The following ACSM1 variants were observed in gnomAD, a reference collection of about 807,000 sequenced individuals.
The protein encoded by ACSM1 is acyl-coenzyme A synthetase ACSM1, mitochondrial.
A neutral mutation model predicts 75.8 loss-of-function variants in ACSM1; 79 were observed. That is an observed-to-expected ratio of 1.04 (90% CI 0.87 to 1.26). The LOEUF is 1.26. Among genes scored for constraint, ACSM1 ranks in the 50% most tolerant of loss-of-function variants. ACSM1 has a pLI of 0.00. For missense variants in ACSM1, 676 were observed against 720.1 expected (o/e 0.94, Z 0.70); for synonymous variants, 279 against 265.8 (o/e 1.05, Z -0.48).
chr16:20,690,985 C>A lies in ACSM1; in HGVS notation c.192+12G>T. The A allele has an allele frequency of 6.2e-7, 1 of 1,604,884 alleles. No homozygotes were observed. Among genetic ancestry groups the A allele is most frequent in the Non-Finnish European group, 8.5e-7 (1 of 1,176,742 alleles). ...CCTTGTTCTTATATCGCCATCACGG[C>A]AGATCTCTTACCTTCTCCTTTTGAG... is the stretch of plus-strand genomic sequence containing the variant. On this transcript the variant is annotated intron_variant, in intron 2 of 13. Transcript: ENST00000520010.
rs1288964092 is a variant in ACSM1 at position 20,671,620 on chromosome 16, C to G, written c.663G>C (p.Met221Ile). 1.2e-6 allele frequency: 2 copies of G among 1,613,446 alleles called. No individual in the cohort carries two copies. Among genetic ancestry groups the G allele is most frequent in the Non-Finnish European group, 1.7e-6 (2 of 1,179,674 alleles). Residue 221 changes from methionine to isoleucine, a missense_variant, in exon 5 of 14, where the codon ATG becomes ATC. Physicochemically the swap from Met to Ile is conservative, Grantham distance 10. Coordinates refer to ENST00000520010, the MANE Select transcript of ACSM1 (RefSeq NM_001318890.3). ...TCVKSKTLDPMVIFFTSGTTG... is the reference protein window; with the variant it reads ...TCVKSKTLDPIVIFFTSGTTG... Reference sequence around the variant, plus strand: ...TGGTCCCACTGGTGAAGAAGATGACCATTGGGTCCAAGGTCTTTGACTTAA... The same window carrying G: ...TGGTCCCACTGGTGAAGAAGATGACGATTGGGTCCAAGGTCTTTGACTTAA...
At chr16:20,662,848 C>G (rs2019367200) in intron 6 of ACSM1, among the ~76,000 whole-genome samples, 1 of 152,156 alleles carries the variant, frequency 6.6e-6, no homozygotes. Flanking sequence ...CCTACCCCAA[C>G]AGGTGTCTTT....
rs183631923 is a variant in ACSM1, at chr16:20,678,143, A to G, written c.611+4113T>C. Among the ~76,000 whole-genome samples, 859 of 152,258 alleles carry G rather than the reference A, an allele frequency of 5.6e-3. 6 individuals are homozygous for G. The highest frequency in any genetic ancestry group is 0.019 in the African/African-American group (798 of 41,542). On this transcript the variant is annotated intron_variant, in intron 4 of 13. Transcript: ENST00000520010. ...TCCCCTTCTGTAGATCCCAAGCTAC[A>G]CTCCAAATGAAAGGGCTTGTTTTGC...
intron 13 of ACSM1, 86 bp downstream of exon 13, chr16:20,624,010 C>A: frequency 1.3e-6 from 2 of 1,562,676 alleles, no homozygotes; most frequent in Non-Finnish European, 1.7e-6. Context: ...TTGTTTGGGG[C>A]TGTTTGTTAC....
intron 6 of ACSM1, among the ~76,000 whole-genome samples, chr16:20,666,084 C>T (rs2019550885): frequency 6.6e-6 from 1 of 152,124 alleles, no homozygotes; most frequent in Non-Finnish European, 1.5e-5. Context: ...GTGTAGGATG[C>T]CCACTCTCAC....
chr16:20,665,011 G>T (rs2019494096), intron 6 of ACSM1, among the ~76,000 whole-genome samples: 1 of 152,090 alleles, frequency 6.6e-6, no homozygotes, highest in African/African-American at 2.4e-5. Context: ...TTAGAGGAAA[G>T]TTTATAGCAC....
intron 7 of ACSM1, among the ~76,000 whole-genome samples, chr16:20,644,162 CCTTT>C (rs1435393956): frequency 1.3e-5 from 2 of 152,212 alleles, no homozygotes; most frequent in African/African-American, 4.8e-5. Flanking sequence ...CAGCCAGCAG[CCTTT>C]CTATCAAAAA....
rs193219564 is a variant in ACSM1 at position 20,665,244 on chromosome 16, C to T, written c.913-3371G>A. On this transcript the variant is annotated intron_variant, in intron 6 of 13. Coordinates refer to ENST00000520010, the MANE Select transcript of ACSM1 (RefSeq NM_001318890.3). ...CAAAAGAATAAACAATATTGATAGA[C>T]TGCTAGCTAGATTAACAAAGAAAAA... 2.3e-3 allele frequency among the ~76,000 whole-genome samples: 344 copies of T among 152,150 alleles called. 1 individual carries two copies. Among genetic ancestry groups the T allele is most frequent in the Non-Finnish European group, 3.6e-3 (243 of 67,998 alleles).
At chr16:20,657,633 T>C (rs1238442003) in intron 7 of ACSM1, among the ~76,000 whole-genome samples, 1 of 151,848 alleles carries the variant, frequency 6.6e-6, no homozygotes, top group Non-Finnish European at 1.5e-5. Flanking sequence ...ATACCTTAAG[T>C]TTTAGGGTAC....
At chr16:20,641,302 A>C (rs1279798023) in intron 7 of ACSM1, among the ~76,000 whole-genome samples, 1 of 152,202 alleles carries the variant, frequency 6.6e-6, no homozygotes. Flanking sequence ...TATGGGGGGA[A>C]GTGTACATCT....
Position 20,624,016 on chromosome 16 carries a change from G to C in ACSM1, c.1647+80C>G, listed in dbSNP as rs989669840. On this transcript the variant is annotated intron_variant, in intron 13 of 13. Coordinates refer to ENST00000520010, the MANE Select transcript of ACSM1 (RefSeq NM_001318890.3). ...AAACCTCCATTGTTTGGGGCTGTTT[G>C]TTACCTCCAGTGATACCTAGCCCGT... 8 of 1,575,292 alleles carry C rather than the reference G, an allele frequency of 5.1e-6. No homozygotes were observed. The African/African-American group carries it at 9.5e-5, about 19-fold the overall frequency.
intron 4 of ACSM1, chr16:20,680,945 A>G (rs1326062974): frequency 6.6e-6 from 1 of 152,252 alleles, no homozygotes; most frequent in East Asian, 1.9e-4. Context: ...GGGAACTCTT[A>G]TGGTATCCAG....
intron 1 of ACSM1, among the ~76,000 whole-genome samples, chr16:20,691,776 TG>T (rs1413570346): frequency 1.3e-5 from 2 of 150,672 alleles, no homozygotes; most frequent in African/African-American, 4.9e-5. Context: ...TGTGTGTGTG[TG>T]TGTGTGTGTG....
rs1339442350 is a variant in ACSM1, at chr16:20,623,473, A to C, written c.*13T>G. 6.2e-7 allele frequency: 1 copy of C among 1,613,342 alleles called. No individual in the cohort carries two copies. Among genetic ancestry groups the C allele is most frequent in the Non-Finnish European group, 8.5e-7 (1 of 1,179,464 alleles). On this transcript the variant is annotated 3_prime_UTR_variant, in exon 14 of 14. Transcript: ENST00000520010. ...TGCCTTAGGTGTGCAGTGCGTTCTGAGTTCACTGCCGATTACATCTGACCA... is the reference window on the plus strand; with the variant it reads ...TGCCTTAGGTGTGCAGTGCGTTCTGCGTTCACTGCCGATTACATCTGACCA...
intron 10 of ACSM1, among the ~76,000 whole-genome samples, 187 bp downstream of exon 10, chr16:20,636,552 C>A (rs1187716030): frequency 6.6e-6 from 1 of 152,172 alleles, no homozygotes; most frequent in Non-Finnish European, 1.5e-5. Context: ...ACCCCAACAT[C>A]CCAAAAGTTC....
intron 10 of ACSM1, among the ~76,000 whole-genome samples, chr16:20,635,576 TTCTTTTTCTTTCTTTCTTTCTTTC>T (rs2017618999): frequency 2.7e-5 from 4 of 148,060 alleles, no homozygotes; most frequent in African/African-American, 7.4e-5. Flanking sequence ...TGTTTAATTT[TTCTTTTTCTTTCTTTCTTTCTTTC>T]TTTCTTTCTT....
intron 5 of ACSM1, 50 bp downstream of exon 5, chr16:20,671,481 A>G (rs1596904711): frequency 3.3e-6 from 5 of 1,528,388 alleles, no homozygotes; most frequent in Non-Finnish European, 4.4e-6. Flanking sequence ...ACACACACAA[A>G]CTTTGCCCAC....
At chr16:20,677,226 TAA>T (rs34392148) in intron 4 of ACSM1, among the ~76,000 whole-genome samples, 5 of 130,016 alleles carry the variant, frequency 3.8e-5, no homozygotes, top group African/African-American at 5.7e-5. Flanking sequence ...TTAAAGAAAT[TAA>T]AAAAAAAAAA....
chr16:20,645,664 G>A (rs1409744628), intron 7 of ACSM1, among the ~76,000 whole-genome samples: 2 of 152,238 alleles, frequency 1.3e-5, no homozygotes, highest in Non-Finnish European at 2.9e-5. Context: ...TCAGGTCAAT[G>A]ATAGGATGAC....
Sources: allele counts gnomAD v4.1 joint callset (sites outside exome capture counted in the v4.1 genomes callset), GRCh38; gene constraint gnomAD v4.1.1; transcripts MANE v1.5; gene names NCBI Gene and HGNC (gene_info 2026-07-23, HGNC 2026-07-21).